The following RBFOX2 variants were observed in gnomAD, a reference collection of about 807,000 sequenced individuals.
RBFOX2 encodes RNA binding fox-1 homolog 2.
In RBFOX2, 10 loss-of-function variants were observed where a neutral mutation model predicts 49.1. The observed-to-expected ratio is 0.20, with a 90% confidence interval of 0.13 to 0.35. The LOEUF is 0.35. Among genes scored for constraint, RBFOX2 ranks in the 10% least tolerant of loss-of-function variants. RBFOX2 has a pLI of 1.00. For synonymous variants in RBFOX2, 183 were observed against 187.4 expected (o/e 0.98, Z 0.19); for missense variants, 323 against 486.9 (o/e 0.66, Z 3.17).
chr22:35,775,841 C>CAAAAAAAAAAAAAAAAAAAAAAAAAAAA (rs753116056), intron 4 of RBFOX2, among the ~76,000 whole-genome samples: 3 of 56,178 alleles, frequency 5.3e-5, no homozygotes, highest in African/African-American at 1.4e-4. Context: ...GAATCTGCCT[C>CAAAAAAAAAAAAAAAAAAAAAAAAAAAA]AAAAAAAAAA....
At position 35,877,061 on chromosome 22, in the gene RBFOX2, C is replaced by A. The variant is rs5995175; in HGVS notation, c.-34+61786G>T. 3.3e-4 allele frequency among the ~76,000 whole-genome samples: 50 copies of A among 152,254 alleles called. 1 individual carries two copies. The highest frequency in any genetic ancestry group is 1.2e-3 in the African/African-American group (48 of 41,556). On this transcript the variant is annotated intron_variant, in intron 1 of 13. Coordinates refer to the RBFOX2 transcript ENST00000359369. ...CTTTCAAGGGTTTTAGTCACTGGTG[C>A]AACTTTTTAAAAAATAATTTCAATT...
At chr22:36,003,010 CT>C (rs1028806107) in intron 1 of RBFOX2, among the ~76,000 whole-genome samples, 19 of 152,302 alleles carry the variant, frequency 1.2e-4, no homozygotes, top group African/African-American at 4.6e-4. Context: ...AAAGACCTTC[CT>C]TTCTTCAAAA....
intron 1 of RBFOX2, among the ~76,000 whole-genome samples, chr22:36,017,784 C>T (rs1603467868): frequency 6.6e-6 from 1 of 152,286 alleles, no homozygotes; most frequent in Admixed American, 6.5e-5. Flanking sequence ...CTTAACCACA[C>T]TATCACAAAG....
chr22:35,750,539 G>A (rs923063770), intron 9 of RBFOX2: 31 of 1,026,882 alleles, frequency 3.0e-5, no homozygotes, highest in East Asian at 4.9e-5. Context: ...ACACACGGAC[G>A]GCTTTTTGGA....
At chr22:35,940,126 T>G (rs890175999), upstream of RBFOX2, among the ~76,000 whole-genome samples, 5 of 152,344 alleles carry the variant, frequency 3.3e-5, no homozygotes, top group African/African-American at 1.2e-4. Flanking sequence ...ATTCAGATAT[T>G]TGATAGTCAA....
At chr22:35,913,361 G>A (rs2050041110) in intron 1 of RBFOX2, among the ~76,000 whole-genome samples, 1 of 152,042 alleles carries the variant, frequency 6.6e-6, no homozygotes, top group Admixed American at 6.6e-5. Flanking sequence ...GAAACAGAAA[G>A]TGTTCTCTTG....
intron 2 of RBFOX2, among the ~76,000 whole-genome samples, chr22:35,805,613 C>G (rs552682670): frequency 5.9e-5 from 9 of 152,260 alleles, no homozygotes; most frequent in African/African-American, 1.9e-4. Flanking sequence ...ATCCAGCAAT[C>G]ATGGCCCTTG....
intron 9 of RBFOX2, among the ~76,000 whole-genome samples, chr22:35,751,728 T>C (rs888750747): frequency 1.3e-5 from 2 of 152,178 alleles, no homozygotes; most frequent in Non-Finnish European, 2.9e-5. Flanking sequence ...AAAGTACTTA[T>C]GAAAAAAATT....
chr22:35,773,655 T>C (rs963650753), intron 4 of RBFOX2, among the ~76,000 whole-genome samples: 7 of 152,142 alleles, frequency 4.6e-5, no homozygotes, highest in Non-Finnish European at 8.8e-5. Flanking sequence ...TAATGAGCAC[T>C]ATCTGAAGAG....
intron 1 of RBFOX2, among the ~76,000 whole-genome samples, chr22:35,989,268 G>A (rs990097006): frequency 8.5e-5 from 13 of 152,140 alleles, no homozygotes; most frequent in African/African-American, 3.1e-4. Flanking sequence ...AAAAGAAAAA[G>A]ACCTAGAATA....
intron 1 of RBFOX2, among the ~76,000 whole-genome samples, chr22:35,884,387 G>A (rs904983584): frequency 2.0e-5 from 3 of 152,140 alleles, no homozygotes; most frequent in Non-Finnish European, 4.4e-5. Flanking sequence ...CAGAAATCCA[G>A]CTGGGTAAGC....
At chr22:35,922,123 G>C (rs916372339) in intron 1 of RBFOX2, among the ~76,000 whole-genome samples, 13 of 152,096 alleles carry the variant, frequency 8.5e-5, no homozygotes, top group African/African-American at 2.9e-4. Flanking sequence ...CAGGTTAATT[G>C]TTTCAGGACC....
chr22:35,931,178 C>A (rs935335619), intron 1 of RBFOX2, among the ~76,000 whole-genome samples: 1 of 151,988 alleles, frequency 6.6e-6, no homozygotes, highest in South Asian at 2.1e-4. Flanking sequence ...GACCTGAGGT[C>A]AGATGTTGGA....
Position 35,745,390 on chromosome 22 carries a change from CCAT to C in RBFOX2, c.1049+530_1049+532del, listed in dbSNP as rs558099016. Among the ~76,000 whole-genome samples, 846 of 152,228 alleles carry C rather than the reference CCAT, an allele frequency of 5.6e-3. 4 individuals are homozygous for C. The highest frequency in any genetic ancestry group is 0.02 in the African/African-American group (811 of 41,526). ...TTCTTCGATACTTCTATCAACAACA[CCAT>C]ATTTTGCCACAATTGTTATCAATAA... On this transcript the variant is annotated intron_variant, in intron 11 of 11. Transcript: ENST00000405409.
upstream of RBFOX2, among the ~76,000 whole-genome samples, chr22:35,965,630 A>C (rs962924084): frequency 2.0e-5 from 3 of 152,200 alleles, no homozygotes; most frequent in African/African-American, 7.2e-5. Context: ...GTGGTCAATG[A>C]AGCTTATTCA....
At chr22:35,832,593 G>GA (rs1215652798) in intron 1 of RBFOX2, among the ~76,000 whole-genome samples, 4 of 152,086 alleles carry the variant, frequency 2.6e-5, no homozygotes, top group Non-Finnish European at 5.9e-5. Context: ...AGCACTCTGG[G>GA]ATGCAGAGGC....
chr22:35,911,545 A>G (rs917303564), intron 1 of RBFOX2, among the ~76,000 whole-genome samples: 5 of 152,216 alleles, frequency 3.3e-5, no homozygotes, highest in African/African-American at 7.2e-5. Context: ...AATCAGAGGA[A>G]AGCTAATCAA....
intron 1 of RBFOX2, among the ~76,000 whole-genome samples, chr22:35,869,118 C>T (rs1231829677): frequency 6.6e-6 from 1 of 152,104 alleles, no homozygotes; most frequent in South Asian, 2.1e-4. Context: ...AGTCAGGAAC[C>T]AACTGACAAG....
rs144208167 is a variant in RBFOX2 at position 35,887,657 on chromosome 22, T to G, written c.-34+51190A>C. Reference sequence around the variant, plus strand: ...CCACTTCTCTTCCCTCCAGGCAAACTGCACCTGTCCCCTGCTAAATAGGGC... The same window carrying G: ...CCACTTCTCTTCCCTCCAGGCAAACGGCACCTGTCCCCTGCTAAATAGGGC... On this transcript the variant is annotated intron_variant, in intron 1 of 13. Coordinates refer to the RBFOX2 transcript ENST00000359369. Among the ~76,000 whole-genome samples the G allele has an allele frequency of 4.5e-3, 678 of 152,246 alleles. 2 individuals are homozygous for G. The highest frequency in any genetic ancestry group is 6.0e-3 in the Non-Finnish European group (409 of 68,024).
Sources: gnomAD v4.1 joint callset for allele counts (sites outside exome capture counted in the v4.1 genomes callset) on GRCh38, gnomAD v4.1.1 for gene constraint, MANE v1.5 for transcripts, NCBI Gene and HGNC (gene_info 2026-07-23, HGNC 2026-07-21) for gene names.